RPL26L1: variants seen among roughly 807,000 people sequenced by gnomAD.
RPL26L1 encodes the protein ribosomal protein uL24-like.
Under a neutral mutation model 15.2 loss-of-function variants are expected in RPL26L1, and 8 were observed. The observed-to-expected ratio is 0.53, with a 90% CI of 0.31 to 0.95. The LOEUF is 0.95. Ranked by LOEUF, RPL26L1 falls within the 40% of genes least tolerant of loss-of-function variation. The pLI is 0.05. For synonymous variants in RPL26L1, 51 were observed against 65.9 expected (o/e 0.77, Z 1.09); for missense variants, 146 against 190.9 (o/e 0.76, Z 1.39).
At chr5:172,955,093 T>G, upstream of RPL26L1, 1 of 447,552 alleles carries the variant, frequency 2.2e-6, no homozygotes, top group African/African-American at 2.1e-5. Context: ...AGAAATGGGG[T>G]GTGGCACTAG....
chr5:172,967,467 A>AAAATAAATAAATAAATAAATAAATAAAT (rs568434838), intron 2 of RPL26L1, among the ~76,000 whole-genome samples: 13 of 152,076 alleles, frequency 8.5e-5, no homozygotes, highest in African/African-American at 3.1e-4. Context: ...CTCCGTGTCA[A>AAAATAAATAAATAAATAAATAAATAAAT]AAATAAATAA....
chr5:172,966,265 T>C (rs1403917306), intron 2 of RPL26L1, among the ~76,000 whole-genome samples: 1 of 144,612 alleles, frequency 6.9e-6, no homozygotes. Context: ...CACCTCAGCC[T>C]CCCGAGTAGC....
chr5:172,954,929 G>T (rs1561751502), upstream of RPL26L1: 1 of 456,048 alleles, frequency 2.2e-6, no homozygotes, highest in East Asian at 7.0e-5. Flanking sequence ...GTGACAGGTT[G>T]GGAGCTGTGG....
chr5:172,968,706 T>C, intron 3 of RPL26L1, 107 bp downstream of exon 3: 1 of 1,217,846 alleles, frequency 8.2e-7, no homozygotes, highest in Non-Finnish European at 1.2e-6. Context: ...GCAGGCCAGG[T>C]GGACTTGATT....
intron 2 of RPL26L1, among the ~76,000 whole-genome samples, chr5:172,967,811 A>C (rs181863493): frequency 6.6e-6 from 1 of 151,020 alleles, no homozygotes; most frequent in Non-Finnish European, 1.5e-5. Context: ...TATATGACAT[A>C]TAAGTACATA....
At position 172,960,355 on chromosome 5, in the gene RPL26L1, G is replaced by C. The variant is rs145759162; in HGVS notation, c.168+314G>C. On this transcript the variant is annotated intron_variant, in intron 2 of 3. Transcript: ENST00000265100. ...GGTCTCTGAACTCCTGGCCTCAAGT[G>C]ATCCTCCCACCTCAGCCTCCCAAAG... Among the ~76,000 whole-genome samples the C allele has an allele frequency of 4.4e-3, 676 of 152,270 alleles. 2 individuals are homozygous for C. Among genetic ancestry groups the C allele is most frequent in the Middle Eastern group, 0.024 (7 of 294 alleles).
upstream of RPL26L1, chr5:172,957,651 A>C: frequency 1.4e-5 from 3 of 221,834 alleles, no homozygotes; most frequent in Non-Finnish European, 2.8e-5. Context: ...GAATGAATGA[A>C]CTCCTTGGGG....
chr5:172,962,278 G>A (rs368114115), intron 2 of RPL26L1, among the ~76,000 whole-genome samples: 315 of 150,918 alleles, frequency 2.1e-3, no homozygotes, highest in African/African-American at 7.3e-3. Context: ...AGGCCCAGGC[G>A]GGTGGATCCC....
At chr5:172,957,467 A>G (rs1291262366), upstream of RPL26L1, 1 of 342,628 alleles carries the variant, frequency 2.9e-6, no homozygotes, top group Non-Finnish European at 5.8e-6. Context: ...ACTCCTCCCC[A>G]GATCTCTTTA....
At chr5:172,958,502 C>T (rs1755071103), upstream of RPL26L1, 11 of 452,306 alleles carry the variant, frequency 2.4e-5, 1 homozygote, top group Admixed American at 2.6e-4. Context: ...TTAATAACAC[C>T]TTGCATAGAA....
upstream of RPL26L1, chr5:172,959,235 A>T: frequency 3.4e-6 from 1 of 291,668 alleles, no homozygotes; most frequent in Non-Finnish European, 5.1e-6. Context: ...AAAAAAAAAA[A>T]GAACACCAGT....
chr5:172,959,462 T>C lies in RPL26L1; in HGVS notation c.-16T>C. ...CGCACTCAGGGTCTGAGGCAGCTAG[T>C]AGCCGGGTGAGTGGAGGCTGGAGTT... On this transcript the variant is annotated 5_prime_UTR_variant, in exon 1 of 4. Coordinates refer to ENST00000265100, the MANE Select transcript of RPL26L1 (RefSeq NM_016093.4). 3 of 1,016,454 alleles carry C rather than the reference T, an allele frequency of 3.0e-6. No homozygotes were observed. Among genetic ancestry groups the C allele is most frequent in the Non-Finnish European group, 3.5e-6 (3 of 845,476 alleles). The allele number at this position is 1,016,454 out of a possible 1,614,324, so 63.0% of individuals were successfully genotyped here.
chr5:172,959,650 C>A (rs575675497), intron 1 of RPL26L1, 182 bp downstream of exon 1: 56 of 1,213,656 alleles, frequency 4.6e-5, no homozygotes, highest in African/African-American at 3.5e-4. Flanking sequence ...CCCTCTCCCC[C>A]ACGACCCCTT....
upstream of RPL26L1, among the ~76,000 whole-genome samples, chr5:172,956,757 G>A: frequency 6.6e-6 from 1 of 151,968 alleles, no homozygotes; most frequent in Non-Finnish European, 1.5e-5. Context: ...AACCAACATG[G>A]TGAAACCCTG....
chr5:172,959,599 A>G (rs1755138908), intron 1 of RPL26L1, 131 bp downstream of exon 1: 1 of 1,234,510 alleles, frequency 8.1e-7, no homozygotes, highest in South Asian at 1.7e-5. Context: ...ATTCCTGCCT[A>G]ACCCTAGCAT....
chr5:172,957,508 A>G (rs59906556), upstream of RPL26L1: 1 of 283,462 alleles, frequency 3.5e-6, no homozygotes, highest in East Asian at 9.6e-5. Context: ...CCATGTAGGT[A>G]CCAAATAAAT....
At chr5:172,959,389 CG>C (rs1013761244), upstream of RPL26L1, 3 of 1,005,500 alleles carry the variant, frequency 3.0e-6, no homozygotes, top group African/African-American at 5.2e-5. Context: ...AATGGGGCTT[CG>C]ATGTCTTTCT....
At chr5:172,954,782 T>G (rs1764318918), upstream of RPL26L1, 1 of 383,094 alleles carries the variant, frequency 2.6e-6, no homozygotes, top group South Asian at 1.9e-5. Context: ...GCATACAACA[T>G]TTAAGGGATG....
intron 1 of RPL26L1, 100 bp downstream of exon 1, chr5:172,959,568 T>G: frequency 8.4e-7 from 1 of 1,193,382 alleles, no homozygotes. Flanking sequence ...CAGCTCTCTT[T>G]GAGTGACCTC....
Sources: gnomAD v4.1 joint callset for allele counts (sites outside exome capture counted in the v4.1 genomes callset) on GRCh38, gnomAD v4.1.1 for gene constraint, MANE v1.5 for transcripts, NCBI Gene and HGNC (gene_info 2026-07-23, HGNC 2026-07-21) for gene names.